The following TRPM3 variants were observed in gnomAD, a reference collection of about 807,000 sequenced individuals.
TRPM3 encodes long transient receptor potential channel 3.
A neutral mutation model predicts 181.2 loss-of-function variants in TRPM3; 77 were observed. That is an observed-to-expected ratio of 0.42 (90% CI 0.35 to 0.51). The LOEUF (loss-of-function observed/expected upper bound fraction) is 0.51. Ranked by LOEUF, TRPM3 falls within the 20% of genes least tolerant of loss-of-function variation. TRPM3 has a pLI of 0.01. For synonymous variants in TRPM3, 745 were observed against 796.4 expected, an observed-to-expected ratio of 0.94 and a Z score of 1.09; for missense variants, 1,759 against 2,196.7, an observed-to-expected ratio of 0.80 and a Z score of 3.98.
At chr9:70,839,430 C>T (rs901757429) in intron 5 of TRPM3, among the ~76,000 whole-genome samples, 1 of 152,138 alleles carries the variant, frequency 6.6e-6, no homozygotes, top group African/African-American at 2.4e-5. Context: ...ATTTGCCTCG[C>T]TAGTGCCATC....
intron 6 of TRPM3, chr9:70,825,302 G>C (rs1341772011): frequency 1.3e-5 from 2 of 152,156 alleles, no homozygotes; most frequent in African/African-American, 4.8e-5. Flanking sequence ...TTTACTTCCT[G>C]TGACTTCAGA....
At chr9:70,991,560 T>TG (rs1318262806) in intron 1 of TRPM3, among the ~76,000 whole-genome samples, 6 of 147,376 alleles carry the variant, frequency 4.1e-5, no homozygotes, top group African/African-American at 1.3e-4. Context: ...TGTCTGTTTT[T>TG]TTTTTTTTTT....
intron 8 of TRPM3, among the ~76,000 whole-genome samples, chr9:70,695,791 T>A (rs1416866329): frequency 1.3e-5 from 2 of 152,324 alleles, no homozygotes; most frequent in East Asian, 3.9e-4. Flanking sequence ...TTACTGTTAC[T>A]CTTCCCATTT....
intron 1 of TRPM3, among the ~76,000 whole-genome samples, chr9:71,203,864 A>T (rs1587937506): frequency 2.0e-5 from 3 of 152,052 alleles, no homozygotes; most frequent in Non-Finnish European, 4.4e-5. Context: ...CATCATTATC[A>T]TCTTTCAATT....
chr9:70,677,581 T>C (rs1327140279), intron 9 of TRPM3, among the ~76,000 whole-genome samples: 1 of 152,228 alleles, frequency 6.6e-6, no homozygotes, highest in Non-Finnish European at 1.5e-5. Flanking sequence ...CTTGCTGGGT[T>C]TCCCCTCTCA....
chr9:71,356,930 AGAGT>A (rs945905937), intron 1 of TRPM3, among the ~76,000 whole-genome samples: 18 of 152,300 alleles, frequency 1.2e-4, no homozygotes, highest in African/African-American at 4.3e-4. Flanking sequence ...ACAGAAATGT[AGAGT>A]GAGTAATCGA....
chr9:71,242,016 G>A (rs550240045), intron 1 of TRPM3, among the ~76,000 whole-genome samples: 2 of 152,314 alleles, frequency 1.3e-5, no homozygotes, highest in African/African-American at 2.4e-5. Flanking sequence ...TATTGCTTTT[G>A]GAAGGAGGTT....
At chr9:71,349,911 T>C (rs1358532367) in intron 1 of TRPM3, among the ~76,000 whole-genome samples, 1 of 151,452 alleles carries the variant, frequency 6.6e-6, no homozygotes, top group Non-Finnish European at 1.5e-5. Context: ...AATAGTGTTC[T>C]CATTGTAAGT....
intron 1 of TRPM3, among the ~76,000 whole-genome samples, chr9:71,426,730 T>C (rs569918714): frequency 7.9e-5 from 12 of 152,174 alleles, no homozygotes; most frequent in Non-Finnish European, 1.3e-4. Context: ...ACTTTATTCC[T>C]ATTAGCTCGG....
Position 70,620,378 on chromosome 9 carries a change from G to A in TRPM3, c.1840-13C>T. On this transcript the variant is annotated splice_polypyrimidine_tract_variant and intron_variant, in intron 15 of 25. Coordinates refer to ENST00000677713, the MANE Select transcript of TRPM3 (RefSeq NM_001366145.2). ...AGGGAATATCATCCTGTAATTACAG[G>A]GAAACCACACAGACTGAGTTAGAAA... 1 of 1,598,958 alleles carries A rather than the reference G, an allele frequency of 6.3e-7. No homozygotes were observed. The highest frequency in any genetic ancestry group is 8.5e-7 in the Non-Finnish European group (1 of 1,170,010).
chr9:71,404,068 T>A (rs548223133), intron 1 of TRPM3, among the ~76,000 whole-genome samples: 41 of 152,166 alleles, frequency 2.7e-4, no homozygotes, highest in Non-Finnish European at 4.9e-4. Flanking sequence ...AGAAACCTCT[T>A]ACAAGCTTAG....
At chr9:70,615,013 T>A (rs2062573628) in intron 18 of TRPM3, among the ~76,000 whole-genome samples, 1 of 152,152 alleles carries the variant, frequency 6.6e-6, no homozygotes, top group Non-Finnish European at 1.5e-5. Context: ...TGCAAATAGA[T>A]CTTTAGGAGA....
intron 1 of TRPM3, among the ~76,000 whole-genome samples, chr9:71,149,590 A>G (rs2075617403): frequency 6.6e-6 from 1 of 152,206 alleles, no homozygotes; most frequent in Non-Finnish European, 1.5e-5. Context: ...AACAGGTAAT[A>G]AAGATAAATA....
intron 1 of TRPM3, among the ~76,000 whole-genome samples, chr9:71,419,828 T>A (rs1346654493): frequency 1.3e-5 from 2 of 151,896 alleles, no homozygotes; most frequent in Admixed American, 1.3e-4. Context: ...TCATAATATA[T>A]CAGACTAATA....
At chr9:70,967,747 G>A (rs1449502753) in intron 1 of TRPM3, among the ~76,000 whole-genome samples, 1 of 152,092 alleles carries the variant, frequency 6.6e-6, no homozygotes, top group African/African-American at 2.4e-5. Flanking sequence ...TCATTATGAT[G>A]TGAATATTTA....
intron 1 of TRPM3, among the ~76,000 whole-genome samples, chr9:71,109,330 A>C (rs1380619880): frequency 6.6e-6 from 1 of 151,800 alleles, no homozygotes; most frequent in African/African-American, 2.4e-5. Flanking sequence ...TGACTAATAC[A>C]ATCTACAATA....
intron 1 of TRPM3, among the ~76,000 whole-genome samples, chr9:71,404,189 T>C (rs1198926980): frequency 6.6e-6 from 1 of 152,192 alleles, no homozygotes; most frequent in Non-Finnish European, 1.5e-5. Flanking sequence ...TCTATGTCCT[T>C]GGCATCGTGC....
intron 1 of TRPM3, among the ~76,000 whole-genome samples, chr9:71,046,609 C>T (rs1247451136): frequency 6.6e-6 from 1 of 152,270 alleles, no homozygotes; most frequent in Admixed American, 6.5e-5. Flanking sequence ...TCCTCCCCGA[C>T]CTATCACCCA....
chr9:70,647,312 A>G (rs530125616), intron 9 of TRPM3, among the ~76,000 whole-genome samples: 3 of 152,218 alleles, frequency 2.0e-5, no homozygotes, highest in Non-Finnish European at 4.4e-5. Context: ...AGCAAGCTGA[A>G]TCCAGCAGCA....
Sources: allele counts gnomAD v4.1 joint callset (sites outside exome capture counted in the v4.1 genomes callset), GRCh38; gene constraint gnomAD v4.1.1; transcripts MANE v1.5; gene names NCBI Gene and HGNC (gene_info 2026-07-23, HGNC 2026-07-21).